XYLT1: variants seen among roughly 807,000 people sequenced by gnomAD.
XYLT1 encodes beta-D-xylosyltransferase 1.
A neutral mutation model predicts 91.3 loss-of-function variants in XYLT1; 36 were observed. That is an observed-to-expected ratio of 0.39 (90% CI 0.30 to 0.52). The LOEUF (loss-of-function observed/expected upper bound fraction) is 0.52, where lower values mean the gene tolerates loss of function less well. Among genes scored for constraint, XYLT1 ranks in the 20% least tolerant of loss-of-function variants. The probability of loss-of-function intolerance (pLI) is 0.68; values close to 1 mark genes in which losing one functional copy is unlikely to be tolerated. For missense variants in XYLT1, 1,242 were observed against 1,284.5 expected, an observed-to-expected ratio of 0.97 and a Z score of 0.51; for synonymous variants, 588 against 532.0, an observed-to-expected ratio of 1.11 and a Z score of -1.45.
At chr16:17,239,296 T>C (rs2033299788) in intron 3 of XYLT1, among the ~76,000 whole-genome samples, 1 of 140,932 alleles carries the variant, frequency 7.1e-6, no homozygotes, top group African/African-American at 2.7e-5. Context: ...CATCCATCCA[T>C]CCACTCATCC....
chr16:17,466,029 C>T (rs1279791840), intron 1 of XYLT1, among the ~76,000 whole-genome samples: 1 of 152,194 alleles, frequency 6.6e-6, no homozygotes, highest in Non-Finnish European at 1.5e-5. Context: ...GTGCCGGGGC[C>T]TCGCACATAC....
chr16:17,465,143 CAAA>C (rs35623153), intron 1 of XYLT1, among the ~76,000 whole-genome samples: 8 of 35,866 alleles, frequency 2.2e-4, no homozygotes, highest in Non-Finnish European at 3.2e-4. Context: ...GATGCTGTCT[CAAA>C]AAAAAAAAAA....
intron 1 of XYLT1, among the ~76,000 whole-genome samples, chr16:17,398,825 C>G (rs2141899012): frequency 2.0e-5 from 1 of 50,542 alleles, no homozygotes; most frequent in East Asian, 3.9e-4. Context: ...CCCGCCCCCC[C>G]CCACTGTTTT....
intron 5 of XYLT1, among the ~76,000 whole-genome samples, chr16:17,161,515 C>G (rs1167397632): frequency 6.6e-6 from 1 of 152,190 alleles, no homozygotes; most frequent in Non-Finnish European, 1.5e-5. Flanking sequence ...GCCCATCCCC[C>G]CAGTCCTTCT....
At chr16:17,362,179 T>C (rs997062787) in intron 1 of XYLT1, among the ~76,000 whole-genome samples, 6 of 152,190 alleles carry the variant, frequency 3.9e-5, no homozygotes, top group Non-Finnish European at 7.3e-5. Context: ...TTTTGGATAA[T>C]GTCTATCAAA....
At chr16:17,263,410 AAGAC>A (rs1251465359) in intron 2 of XYLT1, among the ~76,000 whole-genome samples, 4 of 152,010 alleles carry the variant, frequency 2.6e-5, no homozygotes, top group Admixed American at 6.6e-5. Context: ...CTCTCTACTC[AAGAC>A]AGGCCACCAC....
intron 2 of XYLT1, among the ~76,000 whole-genome samples, chr16:17,309,134 T>G (rs1379098446): frequency 6.6e-6 from 1 of 152,064 alleles, no homozygotes; most frequent in Non-Finnish European, 1.5e-5. Flanking sequence ...TACAACACAG[T>G]TTCTCAACCT....
intron 3 of XYLT1, among the ~76,000 whole-genome samples, chr16:17,243,377 A>C (rs1441733606): frequency 6.6e-6 from 1 of 152,222 alleles, no homozygotes; most frequent in Non-Finnish European, 1.5e-5. Context: ...CTAAAGGTCA[A>C]ACGAATTATC....
In XYLT1 at chr16:17,188,103, C is replaced by G. The variant is rs548654860; in HGVS notation, c.1289+10109G>C. On this transcript the variant is annotated intron_variant, in intron 5 of 11. Transcript: ENST00000261381. ...TTCATGGCTGCTTGGGTTCAGGAAG[C>G]TCCTTATGGCTTCCTTCTAGGACAC... Among the ~76,000 whole-genome samples, 64 of 152,086 alleles carry G rather than the reference C, an allele frequency of 4.2e-4. 1 individual carries two copies. The highest frequency in any genetic ancestry group is 1.5e-3 in the African/African-American group (61 of 41,480).
At chr16:17,232,289 AATATCT>A (rs1360446675) in intron 3 of XYLT1, among the ~76,000 whole-genome samples, 8 of 144,152 alleles carry the variant, frequency 5.5e-5, no homozygotes, top group Admixed American at 1.4e-4. Context: ...ATAAGATTAT[AATATCT>A]ATATCTATAA....
chr16:17,422,502 A>G (rs2036262124), intron 1 of XYLT1, among the ~76,000 whole-genome samples: 3 of 149,832 alleles, frequency 2.0e-5, no homozygotes, highest in Admixed American at 2.0e-4. Flanking sequence ...CCTGGCCCAC[A>G]AATTTTACTT....
chr16:17,179,417 ACT>A (rs1483364074), intron 5 of XYLT1, among the ~76,000 whole-genome samples: 1 of 152,084 alleles, frequency 6.6e-6, no homozygotes, highest in African/African-American at 2.4e-5. Flanking sequence ...TCGCCTGATA[ACT>A]CTCTTTTTTG....
At chr16:17,332,567 T>TACACAC (rs60919228) in intron 2 of XYLT1, among the ~76,000 whole-genome samples, 225 of 137,998 alleles carry the variant, frequency 1.6e-3, no homozygotes, top group African/African-American at 4.1e-3. Context: ...ATCACACACA[T>TACACAC]ACACACACAC....
rs888435283 is a variant in XYLT1 at position 17,236,788 on chromosome 16, G to A, written c.913+22200C>T. 2.0e-5 allele frequency among the ~76,000 whole-genome samples: 3 copies of A among 152,128 alleles called. No homozygotes were observed. The East Asian group carries it at 5.8e-4, about 29-fold the overall frequency. On this transcript the variant is annotated intron_variant, in intron 3 of 11. Coordinates refer to ENST00000261381, the MANE Select transcript of XYLT1 (RefSeq NM_022166.4). ...CATGTTCCCTTGGCATTCTTCTAGT[G>A]TGCATGTCTATCTGTGGGTCTGAAC... is the stretch of plus-strand genomic sequence containing the variant.
At chr16:17,153,659 T>G (rs1178165806) in intron 6 of XYLT1, among the ~76,000 whole-genome samples, 3 of 152,218 alleles carry the variant, frequency 2.0e-5, no homozygotes, top group African/African-American at 7.2e-5. Context: ...AAGTCATGGT[T>G]GGAGCAGCTA....
intron 3 of XYLT1, among the ~76,000 whole-genome samples, chr16:17,252,449 T>A (rs925099912): frequency 2.6e-5 from 4 of 152,066 alleles, no homozygotes; most frequent in Non-Finnish European, 5.9e-5. Context: ...AAAACAAATT[T>A]CTCGGAGGCC....
chr16:17,338,535 C>T (rs1197762634), intron 2 of XYLT1: 1 of 456,068 alleles, frequency 2.2e-6, no homozygotes, highest in South Asian at 1.5e-5. Context: ...TTGTGATTTT[C>T]TGACAAGGCT....
In XYLT1 at chr16:17,164,052, A is replaced by AAAAAAG. The variant is rs1329635306; in HGVS notation, c.1290-5144_1290-5143insCTTTTT. 4.8e-4 allele frequency among the ~76,000 whole-genome samples: 71 copies of AAAAAAG among 147,244 alleles called. 5 individuals carry two copies. Among genetic ancestry groups the AAAAAAG allele is most frequent in the Non-Finnish European group, 1.5e-4 (10 of 66,416 alleles). On this transcript the variant is annotated intron_variant, in intron 5 of 11. Transcript: ENST00000261381. Reference sequence around the variant, plus strand: ...AAACTCTGTCTCAAAAAAAAAAAAAAAAAAAAAAAAAAAAAAAGAAAGACT... The same window carrying AAAAAAG: ...AAACTCTGTCTCAAAAAAAAAAAAAAAAAAAGAAAAAAAAAAAAAAAAAGAAAGACT...
rs572215676 is a variant in XYLT1, at chr16:17,232,275, TATA to T, written c.913+26710_913+26712del. 2.3e-3 allele frequency among the ~76,000 whole-genome samples: 337 copies of T among 143,912 alleles called. 1 individual carries two copies. Among genetic ancestry groups the T allele is most frequent in the African/African-American group, 8.2e-3 (325 of 39,426 alleles). The allele number at this position is 143,912 out of a possible 152,430, so 94.4% of individuals were successfully genotyped here. ...ATATATAATTATTATTATAATCTATTATAATAAGATTATAATATCTATATCTAT... is the reference window on the plus strand; with the variant it reads ...ATATATAATTATTATTATAATCTATTATAAGATTATAATATCTATATCTAT... On this transcript the variant is annotated intron_variant, in intron 3 of 11. Coordinates refer to ENST00000261381, the MANE Select transcript of XYLT1 (RefSeq NM_022166.4).
Sources: gnomAD v4.1 joint callset for allele counts (sites outside exome capture counted in the v4.1 genomes callset) on GRCh38, gnomAD v4.1.1 for gene constraint, MANE v1.5 for transcripts, NCBI Gene and HGNC (gene_info 2026-07-23, HGNC 2026-07-21) for gene names.